ARHGAP42: variants seen among roughly 807,000 people sequenced by gnomAD.
The protein encoded by ARHGAP42 is Rho GTPase activating protein 42, also known as rho GTPase-activating protein 42.
A neutral mutation model predicts 125.0 loss-of-function variants in ARHGAP42; 63 were observed. The ratio of observed to expected loss-of-function variants is 0.50; its 90% confidence interval spans 0.41 to 0.62. The LOEUF (loss-of-function observed/expected upper bound fraction) is 0.62. Ranked by LOEUF, ARHGAP42 falls within the 20% of genes least tolerant of loss-of-function variation. The probability of loss-of-function intolerance (pLI) is 0.00; values close to 1 mark genes in which losing one functional copy is unlikely to be tolerated. For missense variants in ARHGAP42, 766 were observed against 1,024.2 expected (o/e 0.75, Z 3.44); for synonymous variants, 339 against 351.0 (o/e 0.97, Z 0.38).
intron 2 of ARHGAP42, among the ~76,000 whole-genome samples, chr11:100,774,915 T>G (rs1015890303): frequency 2.0e-5 from 3 of 152,162 alleles, no homozygotes; most frequent in Admixed American, 6.6e-5. Context: ...CACTGCTGGC[T>G]TGGAAGGAGG....
chr11:100,791,028 C>T (rs1863553845), intron 2 of ARHGAP42, among the ~76,000 whole-genome samples: 1 of 152,182 alleles, frequency 6.6e-6, no homozygotes, highest in Admixed American at 6.5e-5. Context: ...CACACAAACT[C>T]AATAACTATT....
intron 1 of ARHGAP42, among the ~76,000 whole-genome samples, chr11:100,711,874 G>A (rs149543438): frequency 6.6e-6 from 1 of 152,306 alleles, no homozygotes; most frequent in East Asian, 1.9e-4. Flanking sequence ...ATGAATATGA[G>A]AGTAAGGTAA....
chr11:100,753,801 C>T (rs771000404), intron 1 of ARHGAP42, among the ~76,000 whole-genome samples: 7 of 152,174 alleles, frequency 4.6e-5, no homozygotes, highest in Non-Finnish European at 1.0e-4. Context: ...CCAGCTTTCC[C>T]GGTGGTAATG....
chr11:100,792,968 A>G (rs191834184), intron 2 of ARHGAP42, among the ~76,000 whole-genome samples: 6 of 152,130 alleles, frequency 3.9e-5, no homozygotes, highest in African/African-American at 1.2e-4. Flanking sequence ...GTTAGCCAGG[A>G]TGGTCTCCAT....
chr11:100,819,846 A>G (rs1201641760), intron 3 of ARHGAP42, among the ~76,000 whole-genome samples: 1 of 152,198 alleles, frequency 6.6e-6, no homozygotes, highest in African/African-American at 2.4e-5. Context: ...CTTGTGAGGC[A>G]CTTGTTTTTC....
Position 100,880,311 on chromosome 11 carries a change from T to C in ARHGAP42, c.384+20686T>C, listed in dbSNP as rs912768568. On this transcript the variant is annotated intron_variant, in intron 4 of 23. Transcript: ENST00000298815. ...ACTGTGTCATTCTTACGCCTTTGCA[T>C]CCTCATAGCTTAGCTCCCAATTATA... Among the ~76,000 whole-genome samples the C allele has an allele frequency of 1.7e-4, 26 of 152,204 alleles. 1 individual carries two copies. The highest frequency in any genetic ancestry group is 5.5e-4 in the African/African-American group (23 of 41,452).
chr11:100,822,423 C>T (rs1864424385), intron 3 of ARHGAP42, among the ~76,000 whole-genome samples: 1 of 152,062 alleles, frequency 6.6e-6, no homozygotes, highest in East Asian at 1.9e-4. Context: ...TGGTCTCTTT[C>T]TATAATAATA....
intron 1 of ARHGAP42, among the ~76,000 whole-genome samples, chr11:100,752,025 C>T (rs2120353432): frequency 6.6e-6 from 1 of 152,154 alleles, no homozygotes; most frequent in African/African-American, 2.4e-5. Flanking sequence ...GATGATCCAC[C>T]CACCTTGGCC....
At chr11:100,866,054 C>T (rs1368436769) in intron 4 of ARHGAP42, among the ~76,000 whole-genome samples, 3 of 152,204 alleles carry the variant, frequency 2.0e-5, no homozygotes, top group African/African-American at 7.2e-5. Context: ...TCAAACACTG[C>T]TTCTGCCTTA....
At chr11:100,859,789 A>G (rs1247339938) in intron 4 of ARHGAP42, 164 bp downstream of exon 4, 1 of 498,828 alleles carries the variant, frequency 2.0e-6, no homozygotes, top group African/African-American at 2.0e-5. Flanking sequence ...CTTCTTTTAG[A>G]CATAAAAGAT....
intron 16 of ARHGAP42, 79 bp downstream of exon 16, chr11:100,962,546 C>G: frequency 8.0e-7 from 1 of 1,245,544 alleles, no homozygotes; most frequent in East Asian, 2.7e-5. Context: ...TTACTAGTAT[C>G]AGCTAGTGAA....
chr11:100,756,389 C>T (rs1378799974), intron 1 of ARHGAP42, among the ~76,000 whole-genome samples: 3 of 152,132 alleles, frequency 2.0e-5, no homozygotes, highest in Non-Finnish European at 2.9e-5. Context: ...CAGAGCAAGA[C>T]CCTGTCTCAA....
At chr11:100,938,427 T>A (rs1867792643) in intron 8 of ARHGAP42, among the ~76,000 whole-genome samples, 1 of 152,164 alleles carries the variant, frequency 6.6e-6, no homozygotes, top group South Asian at 2.1e-4. Flanking sequence ...GCACTCTCTT[T>A]GTTGATATTT....
chr11:100,749,797 G>A (rs1862401478), intron 1 of ARHGAP42, among the ~76,000 whole-genome samples: 1 of 152,140 alleles, frequency 6.6e-6, no homozygotes, highest in Non-Finnish European at 1.5e-5. Context: ...TGCAAGTAGG[G>A]TCGTTTGTGA....
chr11:100,710,329 C>T (rs1591120554), intron 1 of ARHGAP42, among the ~76,000 whole-genome samples: 1 of 151,138 alleles, frequency 6.6e-6, no homozygotes, highest in East Asian at 2.0e-4. Context: ...CCGGTTGAAA[C>T]GATTCTCCTG....
At chr11:100,891,998 G>A (rs1250798556) in intron 4 of ARHGAP42, among the ~76,000 whole-genome samples, 1 of 152,144 alleles carries the variant, frequency 6.6e-6, no homozygotes, top group Admixed American at 6.5e-5. Flanking sequence ...GTAATGGTAT[G>A]TGAGAAGAAC....
intron 1 of ARHGAP42, chr11:100,738,629 T>G (rs1338818238): frequency 1.3e-5 from 2 of 152,204 alleles, no homozygotes; most frequent in Non-Finnish European, 2.9e-5. Flanking sequence ...GAGGGTAATA[T>G]ATGTAAAACT....
At chr11:100,740,327 T>C (rs1040469299) in intron 1 of ARHGAP42, among the ~76,000 whole-genome samples, 1 of 152,220 alleles carries the variant, frequency 6.6e-6, no homozygotes, top group Non-Finnish European at 1.5e-5. Flanking sequence ...GAAAAACGTA[T>C]TTGCTGAGTA....
chr11:100,840,178 A>G (rs902259842), intron 3 of ARHGAP42, among the ~76,000 whole-genome samples: 2 of 152,172 alleles, frequency 1.3e-5, no homozygotes, highest in Non-Finnish European at 1.5e-5. Flanking sequence ...TAAAACAGCT[A>G]AATGTTTCTA....
Sources: allele counts gnomAD v4.1 joint callset (sites outside exome capture counted in the v4.1 genomes callset), GRCh38; gene constraint gnomAD v4.1.1; transcripts MANE v1.5; gene names NCBI Gene and HGNC (gene_info 2026-07-23, HGNC 2026-07-21).